The following MYO5B variants were observed in gnomAD, a reference collection of about 807,000 sequenced individuals.
MYO5B encodes unconventional myosin-Vb.
In MYO5B, 143 loss-of-function variants were observed where a neutral mutation model predicts 229.3. That is an observed-to-expected ratio of 0.62 (90% confidence interval 0.54 to 0.72). The LOEUF is 0.72. MYO5B is among the 30% of genes least tolerant of loss of function. MYO5B has a pLI of 0.00. For missense variants in MYO5B, 2,321 were observed against 2,331.0 expected, an observed-to-expected ratio of 1.00 and a Z score of 0.09; for synonymous variants, 918 against 885.2, an observed-to-expected ratio of 1.04 and a Z score of -0.66.
intron 2 of MYO5B, among the ~76,000 whole-genome samples, chr18:50,051,967 A>G (rs531179827): frequency 1.5e-4 from 23 of 152,206 alleles, no homozygotes; most frequent in Non-Finnish European, 2.8e-4. Flanking sequence ...TACACAATGT[A>G]AATACCACTG....
intron 4 of MYO5B, among the ~76,000 whole-genome samples, chr18:50,016,898 C>G (rs12958677): frequency 0.94 from 139,062 of 148,424 alleles, 65,855 homozygotes; most frequent in East Asian, 1. Context: ...GCTACCCCAT[C>G]CCTAACTAAC....
At chr18:49,960,081 T>C (rs990645775) in intron 12 of MYO5B, among the ~76,000 whole-genome samples, 1 of 151,718 alleles carries the variant, frequency 6.6e-6, no homozygotes, top group Non-Finnish European at 1.5e-5. Context: ...CCCTGCACAC[T>C]CCCCCTTTAA....
chr18:50,040,310 A>G lies in MYO5B; in HGVS notation c.143T>C (p.Leu48Pro). The G allele has an allele frequency of 6.2e-7, 1 of 1,614,160 alleles. No individual in the cohort carries two copies. Among genetic ancestry groups the G allele is most frequent in the East Asian group, 2.2e-5 (1 of 44,880 alleles). The change falls in exon 3 of 40, where the codon CTG (leucine) becomes CCG (proline). Residue 48 changes from leucine (L) to proline (P), a missense_variant. Around this residue, in one of 2 missense-constraint regions of MYO5B, gnomAD observed 2,113 missense variants for 2,044.7 expected, o/e 1.03. Coordinates refer to ENST00000285039, the MANE Select transcript of MYO5B (RefSeq NM_001080467.3). Reference sequence around the variant, plus strand: ...GCGTTGTACATCAATTGGGTATTCCAGAATCTAAAGACATGCAAGTAGCAG... The same window carrying G: ...GCGTTGTACATCAATTGGGTATTCCGGAATCTAAAGACATGCAAGTAGCAG... Reference protein sequence around the residue: ...LQLRLEDETILEYPIDVQRNQ... With the variant: ...LQLRLEDETIPEYPIDVQRNQ...
intron 1 of MYO5B, among the ~76,000 whole-genome samples, chr18:50,108,636 A>C (rs996596919): frequency 2.0e-5 from 3 of 152,136 alleles, no homozygotes; most frequent in Non-Finnish European, 2.9e-5. Context: ...ATGCAGATGG[A>C]CCCCCGACAA....
At chr18:50,051,689 A>C (rs2030397739) in intron 2 of MYO5B, among the ~76,000 whole-genome samples, 1 of 152,234 alleles carries the variant, frequency 6.6e-6, no homozygotes, top group African/African-American at 2.4e-5. Flanking sequence ...AAAAGGTATA[A>C]GATGTTATTC....
intron 4 of MYO5B, among the ~76,000 whole-genome samples, chr18:50,014,450 A>C (rs572019536): frequency 6.6e-6 from 1 of 152,198 alleles, no homozygotes; most frequent in Non-Finnish European, 1.5e-5. Context: ...TGTAAGAGAG[A>C]GTATTAATGA....
intron 1 of MYO5B, among the ~76,000 whole-genome samples, chr18:50,094,778 A>C: frequency 6.6e-6 from 1 of 152,204 alleles, no homozygotes; most frequent in East Asian, 1.9e-4. Context: ...CCATTAGGCC[A>C]CTAAAAACTG....
intron 1 of MYO5B, among the ~76,000 whole-genome samples, chr18:50,088,913 ATC>A (rs1243681839): frequency 1.4e-4 from 22 of 152,180 alleles, no homozygotes; most frequent in African/African-American, 5.3e-4. Context: ...TGCTTGACAG[ATC>A]TTTGTTAGCT....
intron 1 of MYO5B, among the ~76,000 whole-genome samples, chr18:50,095,872 C>A (rs2031540541): frequency 6.6e-6 from 1 of 152,174 alleles, no homozygotes; most frequent in East Asian, 1.9e-4. Context: ...TTCTTTGCTT[C>A]CAATATCCTT....
intron 1 of MYO5B, among the ~76,000 whole-genome samples, chr18:50,090,602 T>C (rs2031427391): frequency 6.6e-6 from 1 of 152,214 alleles, no homozygotes; most frequent in Non-Finnish European, 1.5e-5. Context: ...CTATTTCTAC[T>C]GTGGCTGTCT....
At chr18:50,164,970 C>T (rs756074527) in intron 1 of MYO5B, among the ~76,000 whole-genome samples, 5 of 152,222 alleles carry the variant, frequency 3.3e-5, no homozygotes, top group Non-Finnish European at 5.9e-5. Flanking sequence ...GTCCCACCAA[C>T]GCTCTTCTTT....
At position 49,880,368 on chromosome 18, in the gene MYO5B, T is replaced by C; in HGVS notation, c.3130+3A>G. ...AATAAAACTCAAGTGCTTTGGTACT[T>C]ACCTTTAGACTGGCACAGGATTTGG... is the stretch of plus-strand genomic sequence containing the variant. On this transcript the variant is annotated splice_donor_region_variant and intron_variant, in intron 23 of 39. Transcript: ENST00000285039. 1.2e-6 allele frequency: 2 copies of C among 1,612,928 alleles called. No homozygotes were observed. Among genetic ancestry groups the C allele is most frequent in the Non-Finnish European group, 1.7e-6 (2 of 1,178,898 alleles).
chr18:49,949,868 C>T (rs1032158289), intron 14 of MYO5B, among the ~76,000 whole-genome samples: 1 of 152,006 alleles, frequency 6.6e-6, no homozygotes, highest in African/African-American at 2.4e-5. Flanking sequence ...CATAGGGCTA[C>T]TATGAAAACT....
intron 1 of MYO5B, among the ~76,000 whole-genome samples, chr18:50,112,776 T>C (rs922766039): frequency 2.0e-5 from 3 of 152,120 alleles, no homozygotes; most frequent in Non-Finnish European, 4.4e-5. Flanking sequence ...ACATCCCTAT[T>C]GTCAAAATGT....
chr18:50,052,624 A>G (rs113032662), intron 2 of MYO5B, among the ~76,000 whole-genome samples: 24,605 of 148,464 alleles, frequency 0.17, 2,151 homozygotes, highest in East Asian at 0.22. Context: ...GTTAATGGGT[A>G]CAGCACACCA....
At chr18:50,148,862 G>A (rs1568125070) in intron 1 of MYO5B, among the ~76,000 whole-genome samples, 1 of 152,114 alleles carries the variant, frequency 6.6e-6, no homozygotes, top group African/African-American at 2.4e-5. Flanking sequence ...GGAAATAAAG[G>A]GTATTCAATT....
intron 5 of MYO5B, among the ~76,000 whole-genome samples, chr18:49,993,489 C>G (rs2144314526): frequency 6.6e-6 from 1 of 152,216 alleles, no homozygotes; most frequent in East Asian, 1.9e-4. Flanking sequence ...TGAGTTGTTA[C>G]TGAACAACTG....
chr18:49,923,375 T>A (rs1388511052), intron 17 of MYO5B, among the ~76,000 whole-genome samples: 4 of 152,176 alleles, frequency 2.6e-5, no homozygotes, highest in African/African-American at 9.7e-5. Context: ...CAGGATGAGA[T>A]GTGGAAGAGA....
intron 4 of MYO5B, among the ~76,000 whole-genome samples, chr18:50,012,664 C>T (rs2026174779): frequency 6.6e-6 from 1 of 152,210 alleles, no homozygotes; most frequent in African/African-American, 2.4e-5. Context: ...TGAAAATTCA[C>T]CAGAAAGAAA....
Sources: allele counts gnomAD v4.1 joint callset (sites outside exome capture counted in the v4.1 genomes callset), GRCh38; gene constraint gnomAD v4.1.1; regional missense constraint gnomAD v4.1.1; transcripts MANE v1.5; gene names NCBI Gene and HGNC (gene_info 2026-07-23, HGNC 2026-07-21).